The following ENTHD1 variants were observed in gnomAD, a reference collection of about 807,000 sequenced individuals.
ENTHD1 encodes ENTH domain-containing protein 1.
Under a neutral mutation model 39.1 loss-of-function variants are expected in ENTHD1, and 23 were observed. The observed-to-expected ratio is 0.59, with a 90% confidence interval of 0.42 to 0.83. The LOEUF (loss-of-function observed/expected upper bound fraction) is 0.83, where lower values mean the gene tolerates loss of function less well. Among genes scored for constraint, ENTHD1 ranks in the 40% least tolerant of loss-of-function variants. ENTHD1 has a pLI of 0.00. For synonymous variants in ENTHD1, 230 were observed against 258.2 expected, an observed-to-expected ratio of 0.89 and a Z score of 1.05; for missense variants, 624 against 705.4, an observed-to-expected ratio of 0.88 and a Z score of 1.31.
chr22:39,881,608 G>C (rs1429644444), intron 2 of ENTHD1, among the ~76,000 whole-genome samples: 3 of 152,184 alleles, frequency 2.0e-5, no homozygotes, highest in African/African-American at 7.2e-5. Context: ...GATATAAAAG[G>C]CAAAATGTCC....
chr22:39,744,711 GATT>G (rs962656983), intron 6 of ENTHD1, among the ~76,000 whole-genome samples: 13 of 151,986 alleles, frequency 8.6e-5, no homozygotes, highest in Non-Finnish European at 1.5e-5. Context: ...TTCCTGTAGA[GATT>G]ATTATGGCAA....
chr22:39,806,325 A>G (rs910309390), intron 5 of ENTHD1, among the ~76,000 whole-genome samples: 13 of 152,210 alleles, frequency 8.5e-5, no homozygotes, highest in African/African-American at 2.7e-4. Context: ...ATCAAGTGTC[A>G]ACTAGGGATG....
chr22:39,848,928 A>G (rs534414609), intron 3 of ENTHD1, among the ~76,000 whole-genome samples: 5 of 152,324 alleles, frequency 3.3e-5, no homozygotes, highest in Admixed American at 3.3e-4. Flanking sequence ...CAATATGGAT[A>G]AAAAATTATC....
chr22:39,870,211 G>A (rs1569176518), intron 2 of ENTHD1, among the ~76,000 whole-genome samples: 1 of 151,874 alleles, frequency 6.6e-6, no homozygotes, highest in African/African-American at 2.4e-5. Flanking sequence ...TCTTTGCCAT[G>A]TCGGCCAGGC....
In ENTHD1 at chr22:39,861,939, C is replaced by G; in HGVS notation, c.418G>C (p.Glu140Gln). Residue 140 changes from glutamate (E) to glutamine (Q), a missense_variant, in exon 3 of 7, where the codon GAG (glutamate) becomes CAG (glutamine). By Grantham distance (29) the Glu-to-Gln change is conservative. Transcript: ENST00000325157. ...LLMDEPLLCKEREVACRTRQR... is the reference protein window; with the variant it reads ...LLMDEPLLCKQREVACRTRQR... ...CTAGTCCGACATGCCACTTCCCTCT[C>G]TTTACACAGCAATGGTTCATCCATC... is the stretch of plus-strand genomic sequence containing the variant. 6.3e-7 allele frequency: 1 copy of G among 1,592,130 alleles called. No individual in the cohort carries two copies. Among genetic ancestry groups the G allele is most frequent in the Non-Finnish European group, 8.6e-7 (1 of 1,165,322 alleles).
chr22:39,806,229 C>A (rs533040482), intron 5 of ENTHD1, among the ~76,000 whole-genome samples: 2 of 152,362 alleles, frequency 1.3e-5, no homozygotes, highest in South Asian at 4.1e-4. Flanking sequence ...TGCATTCCCT[C>A]ACTATTTCCT....
chr22:39,745,345 A>G (rs748638142), intron 6 of ENTHD1, among the ~76,000 whole-genome samples: 2 of 152,218 alleles, frequency 1.3e-5, no homozygotes, highest in Non-Finnish European at 2.9e-5. Flanking sequence ...AGGGAAATTG[A>G]TGCTTACTAA....
At chr22:39,803,978 A>G (rs1455886046) in intron 5 of ENTHD1, among the ~76,000 whole-genome samples, 1 of 152,102 alleles carries the variant, frequency 6.6e-6, no homozygotes, top group Non-Finnish European at 1.5e-5. Flanking sequence ...TGTAAACAAC[A>G]TAGTGAGACC....
intron 4 of ENTHD1, among the ~76,000 whole-genome samples, chr22:39,826,718 ACT>A (rs1755632535): frequency 6.6e-6 from 1 of 151,840 alleles, no homozygotes; most frequent in Middle Eastern, 3.4e-3. Context: ...AAAATTTGAC[ACT>A]CTGATGTAGG....
chr22:39,785,415 C>T (rs917250096), intron 5 of ENTHD1, among the ~76,000 whole-genome samples: 4 of 152,196 alleles, frequency 2.6e-5, no homozygotes, highest in East Asian at 1.9e-4. Context: ...ATCTGGAAGT[C>T]GGCTTTGATC....
intron 2 of ENTHD1, among the ~76,000 whole-genome samples, chr22:39,872,602 A>T (rs143515776): frequency 6.6e-6 from 1 of 152,312 alleles, no homozygotes; most frequent in East Asian, 1.9e-4. Flanking sequence ...TATAGCTTAA[A>T]GGCTTAGTTC....
At position 39,821,958 on chromosome 22, in the gene ENTHD1, C is replaced by G. The variant is rs141073801; in HGVS notation, c.712-845G>C. ...AAGATCCCGCCTCCTAATACCATCA[C>G]TTTGGGTGTTAGGATTTCAACTAAG... On this transcript the variant is annotated intron_variant, in intron 4 of 6. Coordinates refer to ENST00000325157, the MANE Select transcript of ENTHD1 (RefSeq NM_152512.4). Among the ~76,000 whole-genome samples, 30 of 152,322 alleles carry G rather than the reference C, an allele frequency of 2.0e-4. No homozygotes were observed. The East Asian group carries it at 5.0e-3, about 25-fold the overall frequency.
At position 39,746,637 on chromosome 22, in the gene ENTHD1, A is replaced by T. The variant is rs574041086; in HGVS notation, c.1220-2354T>A. Among the ~76,000 whole-genome samples the T allele has an allele frequency of 2.6e-5, 4 of 152,346 alleles. No homozygotes were observed. The East Asian group carries it at 7.7e-4, about 29-fold the overall frequency. On this transcript the variant is annotated intron_variant, in intron 6 of 6. Transcript: ENST00000325157. The stretch of plus-strand genomic sequence containing the variant: ...AGTCATTTGTTGGGGAACCACTAAT[A>T]TCAGTATCTTTAGTTCTTTCCTCTA...
Position 39,756,287 on chromosome 22 carries a change from G to GTCTCTCTC in ENTHD1, c.1219+8928_1219+8935dup, listed in dbSNP as rs769318998. 6.5e-4 allele frequency among the ~76,000 whole-genome samples: 94 copies of GTCTCTCTC among 144,416 alleles called. 1 individual carries two copies. The South Asian group carries it at 7.8e-3, about 12-fold the overall frequency. The allele number at this position is 144,416 out of a possible 152,430, so 94.7% of individuals were successfully genotyped here. On this transcript the variant is annotated intron_variant, in intron 6 of 6. Coordinates refer to ENST00000325157, the MANE Select transcript of ENTHD1 (RefSeq NM_152512.4). The stretch of plus-strand genomic sequence containing the variant: ...TGTTGTTAAACCTATCAATGTCTCT[G>GTCTCTCTC]TCTCTCTCTCTCTCTCTCTCTCTCT...
Position 39,887,249 on chromosome 22 carries a change from G to A in ENTHD1, c.349+151C>T, listed in dbSNP as rs560610547. 32 of 615,082 alleles carry A rather than the reference G, an allele frequency of 5.2e-5. 1 individual carries two copies. The highest frequency in any genetic ancestry group is 4.4e-4 in the Admixed American group (13 of 29,514). The allele number at this position is 615,082 out of a possible 1,614,324, so 38.1% of individuals were successfully genotyped here. A position where few individuals can be genotyped will look rare whatever the true frequency, so the allele number is the denominator to read the frequency against. ...GGGGTCTCTCTATGTTGCCCAGGCC[G>A]GAGTACAGTGGCTATTCACAGGTGC... On this transcript the variant is annotated intron_variant, in intron 2 of 6. Transcript: ENST00000325157.
intron 5 of ENTHD1, among the ~76,000 whole-genome samples, chr22:39,766,393 C>T (rs2065277764): frequency 6.6e-6 from 1 of 152,180 alleles, no homozygotes; most frequent in African/African-American, 2.4e-5. Context: ...CCAGGAATGT[C>T]TATTGAATCT....
At chr22:39,773,353 G>A (rs2065342499) in intron 5 of ENTHD1, among the ~76,000 whole-genome samples, 1 of 152,002 alleles carries the variant, frequency 6.6e-6, no homozygotes, top group African/African-American at 2.4e-5. Flanking sequence ...AGGTACACAT[G>A]GTCTATTCAC....
chr22:39,848,756 A>T (rs1199311367), intron 3 of ENTHD1, among the ~76,000 whole-genome samples: 2 of 152,212 alleles, frequency 1.3e-5, no homozygotes, highest in African/African-American at 4.8e-5. Context: ...TCAAATTCAT[A>T]AACACTTTTA....
chr22:39,752,026 A>G (rs5757788), intron 6 of ENTHD1, among the ~76,000 whole-genome samples: 3 of 151,918 alleles, frequency 2.0e-5, no homozygotes, highest in Non-Finnish European at 2.9e-5. Flanking sequence ...CTATTTCTCT[A>G]TCTCTATAGA....
Sources: allele counts gnomAD v4.1 joint callset (sites outside exome capture counted in the v4.1 genomes callset), GRCh38; gene constraint gnomAD v4.1.1; transcripts MANE v1.5; gene names NCBI Gene and HGNC (gene_info 2026-07-23, HGNC 2026-07-21).